ATP9B: variants seen among roughly 807,000 people sequenced by gnomAD.
ATP9B encodes probable phospholipid-transporting ATPase IIB.
ATP9B carries 110 observed loss-of-function variants against 146.1 expected under a neutral mutation model. The observed-to-expected ratio is 0.75, with a 90% confidence interval of 0.65 to 0.88. The LOEUF is 0.88. Ranked by LOEUF, ATP9B falls within the 40% of genes least tolerant of loss-of-function variation. The pLI is 0.00. For synonymous variants in ATP9B, 604 were observed against 569.7 expected, an observed-to-expected ratio of 1.06 and a Z score of -0.86; for missense variants, 1,499 against 1,496.4, an observed-to-expected ratio of 1.00 and a Z score of -0.03.
At chr18:79,337,183 C>T in intron 18 of ATP9B, 96 bp from the exon 19 acceptor site, 1 of 1,456,320 alleles carries the variant, frequency 6.9e-7, no homozygotes, top group Non-Finnish European at 9.4e-7. Context: ...ATAGTCACCT[C>T]CCCCTCTGTC....
At chr18:79,196,502 G>A (rs1273008993) in intron 9 of ATP9B, among the ~76,000 whole-genome samples, 3 of 152,202 alleles carry the variant, frequency 2.0e-5, no homozygotes, top group Non-Finnish European at 4.4e-5. Context: ...TGGTTGCTAC[G>A]TGGGTGTTAA....
rs577913837 is a variant in ATP9B, at chr18:79,356,152, G to A, written c.2904-3202G>A. ...CAAGCAAGCCGGTGAAATGATGAGC[G>A]CATCGTCAGCCACAGAGACCAGGTT... is the stretch of plus-strand genomic sequence containing the variant. On this transcript the variant is annotated intron_variant, in intron 25 of 29. Transcript: ENST00000426216. Among the ~76,000 whole-genome samples the A allele has an allele frequency of 4.3e-4, 66 of 152,258 alleles. No homozygotes were observed. The East Asian group carries it at 9.8e-3, about 23-fold the overall frequency.
chr18:79,078,815 C>T (rs2072922318), intron 1 of ATP9B, among the ~76,000 whole-genome samples: 1 of 152,116 alleles, frequency 6.6e-6, no homozygotes, highest in Non-Finnish European at 1.5e-5. Flanking sequence ...TCACCTAGCC[C>T]CCCACACCCC....
chr18:79,268,583 A>C (rs1023356087), intron 12 of ATP9B, among the ~76,000 whole-genome samples: 3 of 152,174 alleles, frequency 2.0e-5, no homozygotes, highest in Admixed American at 1.3e-4. Context: ...TTAAGCATTT[A>C]ACTTAATTTG....
chr18:79,203,018 T>C (rs1167446630), intron 9 of ATP9B, among the ~76,000 whole-genome samples: 1 of 152,234 alleles, frequency 6.6e-6, no homozygotes, highest in Non-Finnish European at 1.5e-5. Flanking sequence ...TAAACTTTCA[T>C]ATCAAGTGAA....
intron 18 of ATP9B, 93 bp from the exon 19 acceptor site, chr18:79,337,186 C>T: frequency 1.4e-6 from 2 of 1,435,112 alleles, no homozygotes; most frequent in East Asian, 2.3e-5. Context: ...GTCACCTCCC[C>T]CTCTGTCCCC....
chr18:79,267,834 G>A (rs1037683363), intron 12 of ATP9B, among the ~76,000 whole-genome samples: 1 of 151,982 alleles, frequency 6.6e-6, no homozygotes, highest in African/African-American at 2.4e-5. Context: ...CCAATTGTTG[G>A]TCACAGGATC....
intron 15 of ATP9B, among the ~76,000 whole-genome samples, chr18:79,315,638 C>G (rs2096675245): frequency 6.6e-6 from 1 of 152,172 alleles, no homozygotes; most frequent in South Asian, 2.1e-4. Context: ...AACAGTAGCA[C>G]AGAAATTTCT....
At chr18:79,152,263 T>A (rs980394419) in intron 6 of ATP9B, among the ~76,000 whole-genome samples, 3 of 152,232 alleles carry the variant, frequency 2.0e-5, no homozygotes, top group Non-Finnish European at 4.4e-5. Context: ...AATGCATATT[T>A]CTATGAAGTC....
intron 11 of ATP9B, among the ~76,000 whole-genome samples, chr18:79,250,225 C>T (rs1372563119): frequency 6.6e-6 from 1 of 152,092 alleles, no homozygotes; most frequent in Non-Finnish European, 1.5e-5. Context: ...ATGTTTTTGT[C>T]CTGGCTTTTA....
At chr18:79,147,293 AG>A (rs2094607281) in intron 6 of ATP9B, among the ~76,000 whole-genome samples, 1 of 152,252 alleles carries the variant, frequency 6.6e-6, no homozygotes, top group Admixed American at 6.5e-5. Context: ...GGATAAAAGT[AG>A]GGGATAGACG....
chr18:79,364,812 C>G (rs939429641), intron 26 of ATP9B, among the ~76,000 whole-genome samples: 1 of 152,018 alleles, frequency 6.6e-6, no homozygotes, highest in Admixed American at 6.6e-5. Context: ...TAACTTGAGC[C>G]CAGAAGCTCA....
At chr18:79,104,510 C>G (rs1249141143) in intron 2 of ATP9B, among the ~76,000 whole-genome samples, 1 of 152,084 alleles carries the variant, frequency 6.6e-6, no homozygotes, top group Non-Finnish European at 1.5e-5. Flanking sequence ...TGTTCTCAGT[C>G]TCATCATAGT....
Position 79,218,719 on chromosome 18 carries a change from T to C in ATP9B, c.1107+4681T>C, listed in dbSNP as rs72486303. ...GGCCTGTCTTGGAAACACATTTCCA[T>C]GACCACTGGGATAAGAAAATACTGA... is the stretch of plus-strand genomic sequence containing the variant. On this transcript the variant is annotated intron_variant, in intron 11 of 29. Coordinates refer to ENST00000426216, the MANE Select transcript of ATP9B (RefSeq NM_198531.5). Among the ~76,000 whole-genome samples, 40 of 152,374 alleles carry C rather than the reference T, an allele frequency of 2.6e-4. No homozygotes were observed. The East Asian group carries it at 7.5e-3, about 29-fold the overall frequency.
intron 26 of ATP9B, among the ~76,000 whole-genome samples, chr18:79,369,973 C>G (rs950679035): frequency 6.6e-6 from 1 of 152,150 alleles, no homozygotes; most frequent in Non-Finnish European, 1.5e-5. Flanking sequence ...GTGGTGCACA[C>G]TTGTAATCCC....
chr18:79,290,124 A>G (rs1317991171), intron 13 of ATP9B, among the ~76,000 whole-genome samples: 2 of 152,144 alleles, frequency 1.3e-5, no homozygotes, highest in Non-Finnish European at 2.9e-5. Flanking sequence ...GCGTGCTGGG[A>G]GAACCACTGC....
chr18:79,070,180 CTCAT>C (rs879696908), intron 1 of ATP9B, among the ~76,000 whole-genome samples: 3 of 152,280 alleles, frequency 2.0e-5, no homozygotes, highest in Non-Finnish European at 4.4e-5. Flanking sequence ...TTTAACATTT[CTCAT>C]TCAAAGAAAA....
intron 7 of ATP9B, among the ~76,000 whole-genome samples, chr18:79,174,870 TAA>T (rs2095137081): frequency 6.6e-6 from 1 of 152,106 alleles, no homozygotes. Context: ...TAGTGATGAA[TAA>T]ATACAGGTGC....
intron 8 of ATP9B, among the ~76,000 whole-genome samples, chr18:79,179,539 G>T (rs1010859995): frequency 3.9e-5 from 6 of 151,940 alleles, no homozygotes; most frequent in African/African-American, 1.4e-4. Flanking sequence ...ATTCCTTCAT[G>T]ATTCTTCTTT....
Sources: allele counts gnomAD v4.1 joint callset (sites outside exome capture counted in the v4.1 genomes callset), GRCh38; gene constraint gnomAD v4.1.1; transcripts MANE v1.5; gene names NCBI Gene and HGNC (gene_info 2026-07-23, HGNC 2026-07-21).